The following IMMP2L variants were observed in gnomAD, a reference collection of about 807,000 sequenced individuals.
The protein encoded by IMMP2L is inner mitochondrial membrane peptidase subunit 2.
Under a neutral mutation model 19.3 loss-of-function variants are expected in IMMP2L, and 18 were observed. The observed-to-expected ratio is 0.93, with a 90% CI of 0.64 to 1.38. The LOEUF (loss-of-function observed/expected upper bound fraction) is 1.38. Ranked by LOEUF, IMMP2L falls within the 40% of genes most tolerant of loss-of-function variation. IMMP2L has a pLI of 0.00. For synonymous variants in IMMP2L, 76 were observed against 73.0 expected (o/e 1.04, Z -0.21); for missense variants, 233 against 218.2 (o/e 1.07, Z -0.43).
intron 1 of IMMP2L, among the ~76,000 whole-genome samples, chr7:111,559,690 G>A (rs1180975362): frequency 6.6e-6 from 1 of 152,112 alleles, no homozygotes; most frequent in Non-Finnish European, 1.5e-5. Flanking sequence ...GGAAAGTAAT[G>A]GGTGACCACA....
intron 3 of IMMP2L, among the ~76,000 whole-genome samples, chr7:111,048,240 A>AT: frequency 8.5e-6 from 1 of 117,686 alleles, no homozygotes; most frequent in African/African-American, 3.2e-5. Flanking sequence ...CTCTGTCTCA[A>AT]AAAAAAAAAA....
intron 3 of IMMP2L, among the ~76,000 whole-genome samples, chr7:111,288,080 G>A (rs1312104830): frequency 6.6e-6 from 1 of 151,576 alleles, no homozygotes; most frequent in African/African-American, 2.4e-5. Flanking sequence ...GATTTTTTTT[G>A]GCTGGTTTTC....
At chr7:111,054,177 G>A (rs116106887) in intron 3 of IMMP2L, among the ~76,000 whole-genome samples, 3,245 of 152,038 alleles carry the variant, frequency 0.021, 115 homozygotes, top group African/African-American at 0.074. Flanking sequence ...TAATATACAG[G>A]AATTTAAAAT....
At chr7:111,423,466 T>G (rs539298628) in intron 3 of IMMP2L, among the ~76,000 whole-genome samples, 1 of 151,992 alleles carries the variant, frequency 6.6e-6, no homozygotes, top group South Asian at 2.1e-4. Context: ...TTCCAGGAAT[T>G]TATCCACTTC....
Position 110,663,543 on chromosome 7 carries a change from T to C in IMMP2L, c.*59A>G. 1 of 1,569,566 alleles carries C rather than the reference T, an allele frequency of 6.4e-7. No homozygotes were observed. Among genetic ancestry groups the C allele is most frequent in the Non-Finnish European group, 8.7e-7 (1 of 1,144,626 alleles). On this transcript the variant is annotated 3_prime_UTR_variant, in exon 6 of 6. Coordinates refer to ENST00000405709, the MANE Select transcript of IMMP2L (RefSeq NM_032549.4). ...TTTTTCCCTTTTGGAGGCTTCTTTT[T>C]TCCATTCCTTTCCAGTAACTGGCCT...
intron 3 of IMMP2L, among the ~76,000 whole-genome samples, chr7:111,121,031 T>C (rs1005263534): frequency 2.6e-5 from 4 of 151,378 alleles, no homozygotes; most frequent in African/African-American, 9.7e-5. Context: ...ATATAACAAA[T>C]AAAATTACAA....
intron 3 of IMMP2L, among the ~76,000 whole-genome samples, chr7:111,172,931 A>T (rs1176659156): frequency 6.6e-6 from 1 of 151,686 alleles, no homozygotes; most frequent in African/African-American, 2.4e-5. Flanking sequence ...CACTGTGCCG[A>T]TAATCTATGT....
At chr7:110,916,001 T>A (rs1403168536) in intron 4 of IMMP2L, among the ~76,000 whole-genome samples, 2 of 152,154 alleles carry the variant, frequency 1.3e-5, no homozygotes, top group Admixed American at 1.3e-4. Context: ...GCCAATACTT[T>A]TCTAACTCTG....
At chr7:111,042,591 G>C (rs755347738) in intron 3 of IMMP2L, among the ~76,000 whole-genome samples, 10 of 152,338 alleles carry the variant, frequency 6.6e-5, no homozygotes, top group Admixed American at 5.9e-4. Context: ...AGAGGTCAAA[G>C]GGCTCCTGGT....
chr7:110,883,579 C>A (rs1809910264), intron 5 of IMMP2L, among the ~76,000 whole-genome samples: 1 of 151,992 alleles, frequency 6.6e-6, no homozygotes, highest in South Asian at 2.1e-4. Context: ...TTTCATATTC[C>A]CTGCATACAA....
chr7:110,957,781 A>T (rs995063115), intron 4 of IMMP2L, among the ~76,000 whole-genome samples: 18 of 151,922 alleles, frequency 1.2e-4, no homozygotes, highest in African/African-American at 3.9e-4. Flanking sequence ...TCCTTAATTC[A>T]TGAGTCTCTT....
chr7:110,698,319 T>C (rs147894831), intron 5 of IMMP2L, among the ~76,000 whole-genome samples: 75 of 152,334 alleles, frequency 4.9e-4, no homozygotes, highest in African/African-American at 1.7e-3. Context: ...CTGGAATAAA[T>C]AGGCTTAGTC....
chr7:110,827,790 T>C (rs1032988957), intron 5 of IMMP2L, among the ~76,000 whole-genome samples: 1 of 152,158 alleles, frequency 6.6e-6, no homozygotes, highest in Non-Finnish European at 1.5e-5. Flanking sequence ...GTGTATCCCA[T>C]GTAAGTTTCC....
At chr7:110,741,179 G>T (rs749421389) in intron 5 of IMMP2L, among the ~76,000 whole-genome samples, 1 of 152,160 alleles carries the variant, frequency 6.6e-6, no homozygotes, top group Non-Finnish European at 1.5e-5. Flanking sequence ...AATGGCATTT[G>T]CAGCAACCTG....
intron 4 of IMMP2L, among the ~76,000 whole-genome samples, chr7:110,894,833 G>A (rs1376078799): frequency 1.3e-5 from 2 of 151,810 alleles, no homozygotes; most frequent in African/African-American, 4.8e-5. Flanking sequence ...ATACTTTTAG[G>A]CTATTTATAA....
chr7:111,180,992 A>T (rs1807643847), intron 3 of IMMP2L, among the ~76,000 whole-genome samples: 1 of 152,040 alleles, frequency 6.6e-6, no homozygotes, highest in African/African-American at 2.4e-5. Context: ...ATAACCACCG[A>T]ATATTATACC....
At chr7:111,410,289 C>A (rs1318907006) in intron 3 of IMMP2L, among the ~76,000 whole-genome samples, 1 of 151,674 alleles carries the variant, frequency 6.6e-6, no homozygotes, top group African/African-American at 2.4e-5. Context: ...TACCCTAGAT[C>A]ATCCTTGAAA....
chr7:110,673,064 G>C (rs906776192), intron 5 of IMMP2L, among the ~76,000 whole-genome samples: 7 of 152,210 alleles, frequency 4.6e-5, no homozygotes, highest in African/African-American at 1.7e-4. Flanking sequence ...GGCTCTTCAT[G>C]AGAGCTCCCC....
chr7:111,241,594 T>C (rs914030191), intron 3 of IMMP2L, among the ~76,000 whole-genome samples: 2 of 151,936 alleles, frequency 1.3e-5, no homozygotes, highest in African/African-American at 2.4e-5. Context: ...CAGAATTGTT[T>C]GACTCAAGAA....
Sources: gnomAD v4.1 joint callset for allele counts (sites outside exome capture counted in the v4.1 genomes callset) on GRCh38, gnomAD v4.1.1 for gene constraint, MANE v1.5 for transcripts, NCBI Gene and HGNC (gene_info 2026-07-23, HGNC 2026-07-21) for gene names.